The following NAF1 variants were observed in gnomAD, a reference collection of about 807,000 sequenced individuals.
The protein encoded by NAF1 is nuclear assembly factor 1 ribonucleoprotein.
A neutral mutation model predicts 40.6 loss-of-function variants in NAF1; 11 were observed. That is an observed-to-expected ratio of 0.27 (90% CI 0.17 to 0.45). NAF1 has a LOEUF of 0.45. NAF1 is among the 20% of genes least tolerant of loss of function. The pLI, the probability that NAF1 is intolerant of heterozygous loss-of-function variation, is 1.00. For missense variants in NAF1, 607 were observed against 611.1 expected (o/e 0.99, Z 0.07); for synonymous variants, 260 against 228.5 (o/e 1.14, Z -1.24).
At chr4:163,125,421 C>G (rs1730627639), downstream of NAF1, among the ~76,000 whole-genome samples, 1 of 152,196 alleles carries the variant, frequency 6.6e-6, no homozygotes, top group African/African-American at 2.4e-5. Context: ...GAAAGCAAAA[C>G]AGCTTTACAG....
At chr4:163,145,600 T>C (rs1731433377) in intron 4 of NAF1, among the ~76,000 whole-genome samples, 182 bp downstream of exon 4, 1 of 152,112 alleles carries the variant, frequency 6.6e-6, no homozygotes. Flanking sequence ...TAATAATCAG[T>C]ATTAAACCAA....
At chr4:163,127,019 A>G, downstream of NAF1, 1 of 1,551,640 alleles carries the variant, frequency 6.4e-7, no homozygotes, top group Non-Finnish European at 8.7e-7. Flanking sequence ...TGTAAACGTA[A>G]CTTTTATATG....
intron 2 of NAF1, among the ~76,000 whole-genome samples, chr4:163,161,723 C>T (rs1732231888): frequency 6.6e-6 from 1 of 152,160 alleles, no homozygotes. Flanking sequence ...ATATCACTTC[C>T]AAGTATTTCC....
chr4:163,145,911 T>C (rs372334173), intron 3 of NAF1, 47 bp from the exon 4 acceptor site: 266 of 972,078 alleles, frequency 2.7e-4, no homozygotes, highest in Non-Finnish European at 3.9e-4. Flanking sequence ...TAAGAGAATG[T>C]AGAATTTTAA....
intron 2 of NAF1, among the ~76,000 whole-genome samples, chr4:163,116,382 GTGTGTGTGTGTATGTC>G (rs1427483781): frequency 6.6e-6 from 1 of 151,996 alleles, no homozygotes; most frequent in East Asian, 1.9e-4. Context: ...ATTTTTGTTC[GTGTGTGTGTGTATGTC>G]TGTGTGTGTG....
At chr4:163,150,512 T>C (rs1731656985) in intron 2 of NAF1, among the ~76,000 whole-genome samples, 1 of 152,142 alleles carries the variant, frequency 6.6e-6, no homozygotes, top group Non-Finnish European at 1.5e-5. Context: ...GATCATACCC[T>C]GCATATCTTT....
At chr4:163,125,515 G>A (rs941884484), downstream of NAF1, among the ~76,000 whole-genome samples, 7 of 152,148 alleles carry the variant, frequency 4.6e-5, no homozygotes, top group African/African-American at 9.7e-5. Flanking sequence ...AATCCAGAGC[G>A]GGCCCTAACT....
chr4:163,134,705 G>A (rs1730990566), intron 6 of NAF1, among the ~76,000 whole-genome samples: 1 of 152,038 alleles, frequency 6.6e-6, no homozygotes, highest in Non-Finnish European at 1.5e-5. Flanking sequence ...AAAATAAAGG[G>A]AATTTTCAGA....
chr4:163,107,692 A>C (rs1487645574), downstream of NAF1, among the ~76,000 whole-genome samples: 2 of 152,168 alleles, frequency 1.3e-5, no homozygotes, highest in African/African-American at 2.4e-5. Flanking sequence ...GGGGAGAATA[A>C]GATTTTTTTA....
intron 4 of NAF1, among the ~76,000 whole-genome samples, chr4:163,142,206 T>C (rs1053139457): frequency 6.6e-6 from 1 of 152,232 alleles, no homozygotes; most frequent in Non-Finnish European, 1.5e-5. Context: ...ACATATATTA[T>C]TGTAGTCTTA....
intron 2 of NAF1, among the ~76,000 whole-genome samples, chr4:163,118,171 C>T (rs1414718754): frequency 6.6e-6 from 1 of 151,970 alleles, no homozygotes; most frequent in Admixed American, 6.5e-5. Flanking sequence ...TGAATCCACA[C>T]ATATAAACCA....
intron 6 of NAF1, among the ~76,000 whole-genome samples, chr4:163,134,159 TTTTATTATTCTATTAATTATTCTATTAA>T (rs1250145997): frequency 6.6e-6 from 1 of 152,146 alleles, no homozygotes; most frequent in Non-Finnish European, 1.5e-5. Context: ...AGTTCAGGCA[TTTTATTATTCTATTAATTATTCTATTAA>T]TTTATTATTC....
intron 2 of NAF1, among the ~76,000 whole-genome samples, chr4:163,162,974 G>T (rs140582916): frequency 6.6e-6 from 1 of 152,096 alleles, no homozygotes; most frequent in African/African-American, 2.4e-5. Context: ...GCATTAAATT[G>T]GAAGAAATTC....
At chr4:163,129,907 T>A (rs960926079) in intron 7 of NAF1, among the ~76,000 whole-genome samples, 1 of 152,164 alleles carries the variant, frequency 6.6e-6, no homozygotes. Context: ...CTGGTGTCAG[T>A]GCATACCATA....
intron 5 of NAF1, among the ~76,000 whole-genome samples, chr4:163,139,891 T>C (rs1386376604): frequency 6.6e-6 from 1 of 152,108 alleles, no homozygotes; most frequent in African/African-American, 2.4e-5. Flanking sequence ...AAAAAAAAGT[T>C]ATTAAGAAAT....
chr4:163,130,059 A>C (rs1449768379), intron 7 of NAF1, among the ~76,000 whole-genome samples: 1 of 152,218 alleles, frequency 6.6e-6, no homozygotes, highest in Non-Finnish European at 1.5e-5. Flanking sequence ...CCTAGACTTC[A>C]ATCTACCCTG....
At chr4:163,112,986 G>T (rs543601462) in intron 2 of NAF1, among the ~76,000 whole-genome samples, 4 of 152,248 alleles carry the variant, frequency 2.6e-5, no homozygotes, top group Admixed American at 2.0e-4. Context: ...GGTTTTCTCC[G>T]ATCACGTTCA....
At chr4:163,145,887 T>A (rs1196797345) in intron 3 of NAF1, 23 bp from the exon 4 acceptor site, 1 of 1,117,144 alleles carries the variant, frequency 9.0e-7, no homozygotes, top group Non-Finnish European at 1.3e-6. Flanking sequence ...ATAGATTACT[T>A]CAAGATTTAC....
intron 5 of NAF1, among the ~76,000 whole-genome samples, chr4:163,138,339 G>C (rs1224470908): frequency 6.6e-6 from 1 of 152,034 alleles, no homozygotes; most frequent in Non-Finnish European, 1.5e-5. Context: ...TATATCTCTG[G>C]TATTCCTTTC....
Sources: gnomAD v4.1 joint callset for allele counts (sites outside exome capture counted in the v4.1 genomes callset) on GRCh38, gnomAD v4.1.1 for gene constraint, MANE v1.5 for transcripts, NCBI Gene and HGNC (gene_info 2026-07-23, HGNC 2026-07-21) for gene names.